Variants in TEC observed in about 807,000 individuals in gnomAD.
TEC encodes the protein tyrosine-protein kinase Tec.
Under a neutral mutation model 93.0 loss-of-function variants are expected in TEC, and 72 were observed. That is an observed-to-expected ratio of 0.77 (90% CI 0.64 to 0.94). TEC has a LOEUF of 0.94. Among genes scored for constraint, TEC ranks in the 40% least tolerant of loss-of-function variants. The probability of loss-of-function intolerance (pLI) is 0.00; values close to 1 mark genes in which losing one functional copy is unlikely to be tolerated. For missense variants in TEC, 630 were observed against 757.9 expected, an observed-to-expected ratio of 0.83 and a Z score of 1.98; for synonymous variants, 249 against 247.7, an observed-to-expected ratio of 1.01 and a Z score of -0.05.
chr4:48,152,896 A>G (rs955367213), intron 9 of TEC, among the ~76,000 whole-genome samples: 3 of 152,234 alleles, frequency 2.0e-5, no homozygotes, highest in Non-Finnish European at 2.9e-5. Context: ...ATGAGAAAGC[A>G]TGAGTTTAAA....
intron 15 of TEC, among the ~76,000 whole-genome samples, chr4:48,140,857 A>G (rs1360875138): frequency 6.6e-6 from 1 of 152,122 alleles, no homozygotes; most frequent in Non-Finnish European, 1.5e-5. Flanking sequence ...CTCTTCCTCA[A>G]TGTAAGCTGC....
At chr4:48,193,162 ATT>A (rs71654900) in intron 2 of TEC, among the ~76,000 whole-genome samples, 120 of 146,702 alleles carry the variant, frequency 8.2e-4, no homozygotes, top group Middle Eastern at 3.5e-3. Flanking sequence ...TTTTTTTCTG[ATT>A]TTTTTTTTTT....
intron 2 of TEC, among the ~76,000 whole-genome samples, chr4:48,190,365 A>C (rs2109581180): frequency 6.6e-6 from 1 of 152,106 alleles, no homozygotes; most frequent in East Asian, 1.9e-4. Context: ...AAACCCTCTT[A>C]CTCTCCATGT....
At position 48,161,976 on chromosome 4, in the gene TEC, C is replaced by T. The variant is rs575641431; in HGVS notation, c.737+1726G>A. Among the ~76,000 whole-genome samples, 26 of 152,272 alleles carry T rather than the reference C, an allele frequency of 1.7e-4. 1 individual carries two copies. The highest frequency in any genetic ancestry group is 1.4e-3 in the Admixed American group (21 of 15,290). ...CCTTCCTTTCCCCTCAGCTTGCAGA[C>T]GGCCTATTATGGGACCTCAGCTTGT... On this transcript the variant is annotated intron_variant, in intron 8 of 17. Coordinates refer to ENST00000381501, the MANE Select transcript of TEC (RefSeq NM_003215.3).
intron 8 of TEC, among the ~76,000 whole-genome samples, chr4:48,161,504 T>C (rs1246844995): frequency 2.0e-5 from 3 of 151,812 alleles, no homozygotes; most frequent in African/African-American, 4.8e-5. Context: ...GCTGCGGGCC[T>C]GGAAATCCTG....
chr4:48,141,345 T>G lies in TEC; in HGVS notation c.1535+10A>C. 1 of 1,612,798 alleles carries G rather than the reference T, an allele frequency of 6.2e-7. No homozygotes were observed. The highest frequency in any genetic ancestry group is 1.1e-5 in the South Asian group (1 of 90,996). On this transcript the variant is annotated intron_variant, in intron 15 of 17. Transcript: ENST00000381501. ...AAACATCACCTAAAACCACGTATAC[T>G]TGGACATACCTGGCCATTCCAAAAT...
intron 11 of TEC, among the ~76,000 whole-genome samples, chr4:48,148,351 T>A (rs888143523): frequency 1.3e-5 from 2 of 152,198 alleles, no homozygotes; most frequent in Admixed American, 6.5e-5. Flanking sequence ...TCAAAATTTT[T>A]CATAAGTTGT....
intron 1 of TEC, among the ~76,000 whole-genome samples, chr4:48,265,376 T>G (rs532905411): frequency 6.7e-6 from 1 of 149,026 alleles, no homozygotes; most frequent in South Asian, 2.1e-4. Flanking sequence ...ATGAGATAGA[T>G]ATATATATAT....
chr4:48,246,959 T>C (rs1724071915), intron 1 of TEC, among the ~76,000 whole-genome samples: 1 of 152,148 alleles, frequency 6.6e-6, no homozygotes, highest in Non-Finnish European at 1.5e-5. Flanking sequence ...TTACAAGAAG[T>C]TCCCACAGAA....
chr4:48,156,856 A>T, intron 8 of TEC, 122 bp from the exon 9 acceptor site: 1 of 730,322 alleles, frequency 1.4e-6, no homozygotes, highest in Non-Finnish European at 2.1e-6. Context: ...ACAAGATATC[A>T]CTCATAATTT....
chr4:48,196,790 CA>C (rs1722314895), intron 2 of TEC, among the ~76,000 whole-genome samples: 3 of 152,192 alleles, frequency 2.0e-5, no homozygotes, highest in Admixed American at 6.5e-5. Context: ...CCACTCTTTT[CA>C]AACAGAAAAA....
intron 2 of TEC, among the ~76,000 whole-genome samples, chr4:48,192,982 A>C (rs1454422330): frequency 6.6e-6 from 1 of 152,122 alleles, no homozygotes; most frequent in Non-Finnish European, 1.5e-5. Flanking sequence ...AGAGCCTGGC[A>C]CCTGGCAACC....
intron 4 of TEC, among the ~76,000 whole-genome samples, chr4:48,171,000 G>A (rs1364347148): frequency 2.0e-5 from 3 of 151,418 alleles, no homozygotes; most frequent in South Asian, 2.1e-4. Flanking sequence ...GCAGTGAGCC[G>A]AGATCACACC....
chr4:48,252,324 TCCTGCTA>T lies in TEC; in HGVS notation c.-46+17421_-46+17427del, dbSNP rs1406807971. On this transcript the variant is annotated intron_variant, in intron 1 of 17. Transcript: ENST00000381501. ...GTGGTGCTGCTGATCCTTAAGTCAA[TCCTGCTA>T]TTGTTGATTAAATTGGCAAAGGCCA... Among the ~76,000 whole-genome samples, 7 of 152,376 alleles carry T rather than the reference TCCTGCTA, an allele frequency of 4.6e-5. No individual in the cohort carries two copies. The South Asian group carries it at 8.3e-4, about 18-fold the overall frequency.
At chr4:48,164,853 A>C (rs544790598) in intron 7 of TEC, among the ~76,000 whole-genome samples, 27 of 152,230 alleles carry the variant, frequency 1.8e-4, no homozygotes, top group South Asian at 1.0e-3. Context: ...AAATACAAAA[A>C]TTAGCTGGGC....
chr4:48,148,301 C>A (rs1720004157), intron 11 of TEC, among the ~76,000 whole-genome samples: 1 of 152,052 alleles, frequency 6.6e-6, no homozygotes, highest in African/African-American at 2.4e-5. Flanking sequence ...TGAACAGTCA[C>A]AAAATAATAG....
At chr4:48,192,965 C>T (rs1307009877) in intron 2 of TEC, among the ~76,000 whole-genome samples, 1 of 152,168 alleles carries the variant, frequency 6.6e-6, no homozygotes, top group Non-Finnish European at 1.5e-5. Context: ...TCTCCAGCAC[C>T]TGCAGCAGAG....
intron 1 of TEC, among the ~76,000 whole-genome samples, chr4:48,263,876 G>A (rs758576221): frequency 3.3e-5 from 5 of 152,232 alleles, no homozygotes; most frequent in East Asian, 1.9e-4. Context: ...TCGGCTCAGC[G>A]GCCCAGCCTG....
intron 2 of TEC, among the ~76,000 whole-genome samples, chr4:48,206,096 T>C (rs554956203): frequency 6.6e-6 from 1 of 152,332 alleles, no homozygotes; most frequent in African/African-American, 2.4e-5. Context: ...TATTGTATGA[T>C]TCTACTTATA....
Sources: allele counts gnomAD v4.1 joint callset (sites outside exome capture counted in the v4.1 genomes callset), GRCh38; gene constraint gnomAD v4.1.1; transcripts MANE v1.5; gene names NCBI Gene and HGNC (gene_info 2026-07-23, HGNC 2026-07-21).